The following USP22 variants were observed in gnomAD, a reference collection of about 807,000 sequenced individuals.
The protein encoded by USP22 is ubiquitin specific peptidase 22.
In USP22, 22 loss-of-function variants were observed where a neutral mutation model predicts 68.1. That is an observed-to-expected ratio of 0.32 (90% CI 0.23 to 0.46). USP22 has a LOEUF of 0.46. USP22 is among the 20% of genes least tolerant of loss of function. USP22 has a pLI of 1.00. For missense variants in USP22, 433 were observed against 695.8 expected (o/e 0.62, Z 4.25); for synonymous variants, 279 against 274.2 (o/e 1.02, Z -0.17).
chr17:21,035,391 T>C (rs770764208), intron 1 of USP22, among the ~76,000 whole-genome samples: 13 of 152,194 alleles, frequency 8.5e-5, no homozygotes, highest in Non-Finnish European at 1.6e-4. Flanking sequence ...TTTTAATCCT[T>C]GAAAACTGAG....
intron 8 of USP22, among the ~76,000 whole-genome samples, chr17:21,009,759 AC>A (rs1486740214): frequency 6.6e-6 from 1 of 152,082 alleles, no homozygotes. Flanking sequence ...GTTTGGGACT[AC>A]CCTGGCCAAT....
intron 7 of USP22, among the ~76,000 whole-genome samples, chr17:21,012,500 C>T (rs559423688): frequency 6.6e-6 from 1 of 152,262 alleles, no homozygotes; most frequent in African/African-American, 2.4e-5. Flanking sequence ...TGATCCACGC[C>T]TTCTTGAAGA....
rs757267657 is a variant in USP22 at position 21,011,218 on chromosome 17, C to G, written c.1036G>C (p.Glu346Gln). ...TPFWPLSPGS[E>Q]GNVVNGESHV... ...CTTTCCCCGTTTACCACGTTGCCCT[C>G]GCTCCCTGGGCTCAGGGGCCAGAAT... Residue 346 changes from glutamate (E) to glutamine (Q), a missense_variant, in exon 8 of 13, where the codon GAG (glutamate) becomes CAG (glutamine). Coordinates refer to ENST00000261497, the MANE Select transcript of USP22 (RefSeq NM_015276.2). The G allele has an allele frequency of 2.5e-6, 4 of 1,611,674 alleles. No homozygotes were observed. In the Admixed American group the frequency reaches 6.7e-5, roughly 27 times the overall value.
In USP22 at chr17:21,012,840, G is replaced by C; in HGVS notation, c.934C>G (p.Gln312Glu). 6.2e-7 allele frequency: 1 copy of C among 1,613,952 alleles called. No individual in the cohort carries two copies. Among genetic ancestry groups the C allele is most frequent in the Non-Finnish European group, 8.5e-7 (1 of 1,179,948 alleles). ...CAGCCTCTCACTTACTGGCAGACTT[G>C]GCAGGTGACGTCTGACTGCAACCCG... The part of the protein sequence containing the change: ...TGGLQSDVTC[Q>E]VCHGVSTTID... The change falls in exon 7 of 13, where the codon CAA (glutamine) becomes GAA (glutamate). Residue 312 changes from glutamine to glutamate, a missense_variant. Gln to Glu is a conservative substitution (Grantham distance 29, BLOSUM62 2). Around this residue, in one of 4 missense-constraint regions of USP22, gnomAD observed 178 missense variants for 351.5 expected, o/e 0.51. Transcript: ENST00000261497.
In USP22 at chr17:21,006,946, C is replaced by T. The variant is rs372827967; in HGVS notation, c.1272G>A (p.Thr424=). ...HSAKLRRKIT[T]YVSFPLELDM... is the part of the protein sequence containing the mutation. ...CCAGCTCCAGGGGGAAGGACACATA[C>T]GTGGTGATCTTCCGCCGCAGCTTGG... The change falls in exon 10 of 13, where the codon ACG becomes ACA. Residue 424 remains threonine (T), a synonymous_variant. Transcript: ENST00000261497. 2.6e-5 allele frequency: 42 copies of T among 1,609,618 alleles called. No individual in the cohort carries two copies. The highest frequency in any genetic ancestry group is 1.7e-4 in the Middle Eastern group (1 of 6,048).
rs180697926 is a variant in USP22, at chr17:21,016,992, C to T, written c.690+950G>A. ...AGTCAGTGATACAACCACCCACCAA[C>T]TTCCCAGCTGCACCCTCCTTTCTCC... On this transcript the variant is annotated intron_variant, in intron 5 of 12. Transcript: ENST00000261497. Among the ~76,000 whole-genome samples, 10 of 152,346 alleles carry T rather than the reference C, an allele frequency of 6.6e-5. No homozygotes were observed. The East Asian group carries it at 1.5e-3, about 23-fold the overall frequency.
chr17:21,042,397 G>A lies in USP22; in HGVS notation c.171+268C>T, dbSNP rs1972448288. The A allele has an allele frequency of 2.4e-5, 6 of 250,758 alleles. No individual in the cohort carries two copies. In the South Asian group the frequency reaches 1.0e-3, roughly 42 times the overall value. 15.5% of individuals were successfully genotyped at this position (250,758 alleles called of 1,614,324 possible). A position where few individuals can be genotyped will look rare whatever the true frequency, so the allele number is the denominator to read the frequency against. On this transcript the variant is annotated intron_variant, in intron 1 of 12. Transcript: ENST00000261497. ...ACAGAGAGGAGGGGGAGGGGACAGA[G>A]AGGAGGGGGAGGGAAAGGAAGAATG...
chr17:21,025,266 C>T (rs865804681), intron 2 of USP22, among the ~76,000 whole-genome samples: 2 of 152,110 alleles, frequency 1.3e-5, no homozygotes, highest in Non-Finnish European at 2.9e-5. Flanking sequence ...CCAACAAGCA[C>T]ATGAACAAAT....
chr17:21,029,863 G>A (rs758303926), intron 1 of USP22, among the ~76,000 whole-genome samples: 1 of 152,296 alleles, frequency 6.6e-6, no homozygotes, highest in South Asian at 2.1e-4. Flanking sequence ...AACTCAGGAC[G>A]TTGCCAGGGG....
intron 1 of USP22, among the ~76,000 whole-genome samples, chr17:21,036,620 G>A (rs572313297): frequency 9.2e-5 from 14 of 151,728 alleles, no homozygotes; most frequent in African/African-American, 2.9e-4. Context: ...GTAGATTGTC[G>A]ACAGTGGGAG....
chr17:21,040,394 GA>G (rs1555531172), intron 1 of USP22, among the ~76,000 whole-genome samples: 1 of 152,130 alleles, frequency 6.6e-6, no homozygotes, highest in Non-Finnish European at 1.5e-5. Context: ...CCAGTCAGAG[GA>G]AAAAGCATGG....
At chr17:21,030,368 TTGTG>T (rs3047596) in intron 1 of USP22, among the ~76,000 whole-genome samples, 106,919 of 150,770 alleles carry the variant, frequency 0.71, 38,372 homozygotes, top group South Asian at 0.81. Context: ...CTCAGGCCGC[TTGTG>T]TGTGTGTGTG....
At position 21,015,798 on chromosome 17, in the gene USP22, G is replaced by C; in HGVS notation, c.792C>G (p.His264Gln). ...CGTCCAGGGCCGCGATGAGGAACTC[G>C]TGGGCGTCCTGCTGCTCGTAGCCTG... is the stretch of plus-strand genomic sequence containing the variant. ...HLAGYEQQDAHEFLIAALDVL... is the reference protein window; with the variant it reads ...HLAGYEQQDAQEFLIAALDVL... The change falls in exon 6 of 13, where the codon CAC becomes CAG. Residue 264 changes from histidine to glutamine, a missense_variant. Transcript: ENST00000261497. 1 of 1,613,960 alleles carries C rather than the reference G, an allele frequency of 6.2e-7. No homozygotes were observed.
chr17:21,002,792 C>A lies in USP22; in HGVS notation c.*239G>T, dbSNP rs796500156. 6.0e-5 allele frequency: 30 copies of A among 501,056 alleles called. No homozygotes were observed. The highest frequency in any genetic ancestry group is 5.6e-4 in the African/African-American group (29 of 51,388). 31.0% of individuals were successfully genotyped at this position (501,056 alleles called of 1,614,324 possible). A position where few individuals can be genotyped will look rare whatever the true frequency, so the allele number is the denominator to read the frequency against. The stretch of plus-strand genomic sequence containing the variant: ...GGTGACGGGTGTACGCTGCTCCTCC[C>A]ACCCAGAGCACACCCCTCATCTCAT... On this transcript the variant is annotated 3_prime_UTR_variant, in exon 13 of 13. Transcript: ENST00000261497.
At chr17:21,043,060 C>A, upstream of USP22, 1 of 240,756 alleles carries the variant, frequency 4.2e-6, no homozygotes, top group Non-Finnish European at 7.9e-6. Context: ...CTGCGCTGCG[C>A]TCTCGCGGTT....
chr17:21,028,904 C>CA (rs1394805818), intron 1 of USP22, among the ~76,000 whole-genome samples: 4 of 148,052 alleles, frequency 2.7e-5, no homozygotes, highest in African/African-American at 1.0e-4. Context: ...TCCACAACTT[C>CA]AACTGCCAAA....
At chr17:21,028,763 C>A in intron 1 of USP22, 89 bp from the exon 2 acceptor site, 2 of 1,475,138 alleles carry the variant, frequency 1.4e-6, no homozygotes, top group Non-Finnish European at 1.8e-6. Flanking sequence ...CCCCCCGAGA[C>A]AGCTACTGGA....
intron 11 of USP22, 102 bp downstream of exon 11, chr17:21,004,826 C>CA: frequency 7.5e-7 from 1 of 1,334,854 alleles, no homozygotes; most frequent in Non-Finnish European, 1.0e-6. Context: ...GGAAGCAGGT[C>CA]AGTGGCGGGG....
rs533734715 is a variant in USP22, at chr17:21,000,129, T to G, written c.*2902A>C. On this transcript the variant is annotated 3_prime_UTR_variant, in exon 13 of 13. Coordinates refer to ENST00000261497, the MANE Select transcript of USP22 (RefSeq NM_015276.2). ...AATGCAGGCCATTTTAACACTGCTG[T>G]GAATGTGCTGGGGTCACCAAGGGGG... 1 of 152,354 alleles carries G rather than the reference T, an allele frequency of 6.6e-6. No homozygotes were observed. Among genetic ancestry groups the G allele is most frequent in the East Asian group, 1.9e-4 (1 of 5,184 alleles). The allele number at this position is 152,354 out of a possible 1,614,324, so 9.4% of individuals were successfully genotyped here. A position where few individuals can be genotyped will look rare whatever the true frequency, so the allele number is the denominator to read the frequency against.
Sources: gnomAD v4.1 joint callset for allele counts (sites outside exome capture counted in the v4.1 genomes callset) on GRCh38, gnomAD v4.1.1 for gene constraint, gnomAD v4.1.1 regional missense constraint, MANE v1.5 for transcripts, NCBI Gene and HGNC (gene_info 2026-07-23, HGNC 2026-07-21) for gene names.